The following KCNMA1 variants were observed in gnomAD, a reference collection of about 807,000 sequenced individuals.
KCNMA1 encodes potassium calcium-activated channel subfamily M alpha 1.
Under a neutral mutation model 140.0 loss-of-function variants are expected in KCNMA1, and 29 were observed. The observed-to-expected ratio is 0.21, with a 90% confidence interval of 0.15 to 0.28. KCNMA1 has a LOEUF of 0.28. Among genes scored for constraint, KCNMA1 ranks in the 10% least tolerant of loss-of-function variants. The pLI is 1.00. For synonymous variants in KCNMA1, 612 were observed against 611.9 expected, an observed-to-expected ratio of 1.00 and a Z score of 0.00; for missense variants, 880 against 1,602.2, an observed-to-expected ratio of 0.55 and a Z score of 7.70.
intron 2 of KCNMA1, among the ~76,000 whole-genome samples, chr10:77,292,995 G>A (rs2073810235): frequency 6.6e-6 from 1 of 152,194 alleles, no homozygotes; most frequent in South Asian, 2.1e-4. Context: ...GCTGAGATCT[G>A]AAGAACGCAA....
intron 5 of KCNMA1, among the ~76,000 whole-genome samples, chr10:77,165,407 G>A (rs182501332): frequency 2.0e-4 from 30 of 152,268 alleles, no homozygotes; most frequent in African/African-American, 6.7e-4. Context: ...TATCTATTCA[G>A]AATCCATACA....
At chr10:77,231,579 A>C (rs899678941) in intron 3 of KCNMA1, among the ~76,000 whole-genome samples, 20 of 152,150 alleles carry the variant, frequency 1.3e-4, no homozygotes, top group African/African-American at 4.3e-4. Flanking sequence ...TAGGAGGAAA[A>C]TACCTGTTAT....
chr10:77,478,165 C>T (rs1320784398), intron 1 of KCNMA1, among the ~76,000 whole-genome samples: 3 of 152,170 alleles, frequency 2.0e-5, no homozygotes, highest in South Asian at 2.1e-4. Flanking sequence ...ACCCTGCTTG[C>T]GTTTTAAAGG....
intron 17 of KCNMA1, chr10:77,012,586 A>G (rs1467885808): frequency 1.3e-6 from 2 of 1,526,898 alleles, no homozygotes; most frequent in African/African-American, 2.8e-5. Flanking sequence ...GAAAGCCACG[A>G]GTCAGTGGGT....
chr10:77,298,280 A>G (rs1382456701), intron 2 of KCNMA1, among the ~76,000 whole-genome samples: 42 of 152,182 alleles, frequency 2.8e-4, no homozygotes, highest in Admixed American at 1.8e-3. Context: ...TTCACTCTCA[A>G]CGCCCAGGCT....
At chr10:77,524,577 A>T (rs2054844096) in intron 1 of KCNMA1, among the ~76,000 whole-genome samples, 1 of 152,328 alleles carries the variant, frequency 6.6e-6, no homozygotes, top group African/African-American at 2.4e-5. Context: ...AAACCTCAGC[A>T]TGGTGGTATG....
intron 2 of KCNMA1, among the ~76,000 whole-genome samples, chr10:77,328,019 C>T (rs1048449803): frequency 2.0e-5 from 3 of 152,152 alleles, no homozygotes; most frequent in African/African-American, 4.8e-5. Context: ...TGGGAGTGCA[C>T]ACAACGTGAC....
intron 19 of KCNMA1, among the ~76,000 whole-genome samples, chr10:76,997,695 ACTT>A (rs879343058): frequency 1.3e-5 from 2 of 152,192 alleles, no homozygotes; most frequent in Non-Finnish European, 2.9e-5. Context: ...ATTGGAATCT[ACTT>A]CTATATTTAT....
At chr10:77,269,377 C>T (rs566967458) in intron 2 of KCNMA1, among the ~76,000 whole-genome samples, 1 of 152,286 alleles carries the variant, frequency 6.6e-6, no homozygotes, top group African/African-American at 2.4e-5. Context: ...GTCTGATGAA[C>T]AGCTTAGAAC....
intron 12 of KCNMA1, among the ~76,000 whole-genome samples, 180 bp downstream of exon 12, chr10:77,084,457 C>T (rs2096649185): frequency 6.6e-6 from 1 of 152,192 alleles, no homozygotes; most frequent in Non-Finnish European, 1.5e-5. Flanking sequence ...CCCTGTGTGC[C>T]ACTGCCCCAA....
intron 3 of KCNMA1, among the ~76,000 whole-genome samples, chr10:77,219,145 G>C (rs1276109330): frequency 1.3e-5 from 2 of 152,160 alleles, no homozygotes; most frequent in African/African-American, 2.4e-5. Flanking sequence ...TGCCTCCAGA[G>C]CTTTTGCTTC....
intron 1 of KCNMA1, among the ~76,000 whole-genome samples, chr10:77,415,484 C>T (rs2096720026): frequency 6.6e-6 from 1 of 152,244 alleles, no homozygotes; most frequent in Non-Finnish European, 1.5e-5. Context: ...CAGCTCAAGA[C>T]CTGCCCAGAC....
chr10:76,993,632 G>A (rs1054563658), intron 19 of KCNMA1, among the ~76,000 whole-genome samples: 1 of 152,284 alleles, frequency 6.6e-6, no homozygotes, highest in East Asian at 1.9e-4. Flanking sequence ...TCCTCCCCGA[G>A]AGGGGGGCTT....
intron 2 of KCNMA1, among the ~76,000 whole-genome samples, chr10:77,288,257 G>A (rs1347825432): frequency 6.6e-6 from 1 of 152,200 alleles, no homozygotes; most frequent in Non-Finnish European, 1.5e-5. Context: ...AAGTCCCCAA[G>A]AGCAAACAGT....
At chr10:76,988,651 G>A (rs2081938972) in intron 19 of KCNMA1, among the ~76,000 whole-genome samples, 1 of 152,104 alleles carries the variant, frequency 6.6e-6, no homozygotes, top group Non-Finnish European at 1.5e-5. Context: ...CTCTTTTTGT[G>A]TTCCAACTTT....
At chr10:77,344,030 C>A (rs186836170) in intron 2 of KCNMA1, among the ~76,000 whole-genome samples, 1 of 152,196 alleles carries the variant, frequency 6.6e-6, no homozygotes, top group Non-Finnish European at 1.5e-5. Flanking sequence ...CTCTTCAGTG[C>A]CATCAGGGAA....
chr10:77,273,371 G>A (rs986665386), intron 2 of KCNMA1, among the ~76,000 whole-genome samples: 1 of 152,120 alleles, frequency 6.6e-6, no homozygotes, highest in Non-Finnish European at 1.5e-5. Context: ...AAAAAATCCA[G>A]TAAAGGCTAA....
intron 9 of KCNMA1, among the ~76,000 whole-genome samples, chr10:77,105,499 T>C (rs909885904): frequency 6.6e-6 from 1 of 152,236 alleles, no homozygotes; most frequent in African/African-American, 2.4e-5. Flanking sequence ...CAAGTTAATA[T>C]ATTGTTAGAG....
intron 15 of KCNMA1, among the ~76,000 whole-genome samples, chr10:77,028,781 T>C (rs1224417879): frequency 6.6e-6 from 1 of 152,162 alleles, no homozygotes; most frequent in Non-Finnish European, 1.5e-5. Context: ...GAATTCTCCA[T>C]AGTGCATAGT....
Sources: allele counts gnomAD v4.1 joint callset (sites outside exome capture counted in the v4.1 genomes callset), GRCh38; gene constraint gnomAD v4.1.1; transcripts MANE v1.5; gene names NCBI Gene and HGNC (gene_info 2026-07-23, HGNC 2026-07-21).